MTOR: variants seen among roughly 807,000 people sequenced by gnomAD.
MTOR encodes the protein serine/threonine-protein kinase mTOR.
Under a neutral mutation model 319.8 loss-of-function variants are expected in MTOR, and 70 were observed. The ratio of observed to expected loss-of-function variants is 0.22; its 90% confidence interval spans 0.18 to 0.27. The LOEUF (loss-of-function observed/expected upper bound fraction) is 0.27, where lower values mean the gene tolerates loss of function less well. Ranked by LOEUF, MTOR falls within the 10% of genes least tolerant of loss-of-function variation. The pLI is 1.00. For missense variants in MTOR, 1,890 were observed against 3,274.4 expected, an observed-to-expected ratio of 0.58 and a Z score of 10.32; for synonymous variants, 1,183 against 1,211.4, an observed-to-expected ratio of 0.98 and a Z score of 0.49.
Position 11,258,610 on chromosome 1 carries a change from A to T in MTOR, c.163-17T>A. On this transcript the variant is annotated splice_polypyrimidine_tract_variant and intron_variant, in intron 2 of 57. Transcript: ENST00000361445. ...TTGACTCATCTGCAAAAGAAGATAT[A>T]ATCAGAACAATTTCTAATAATTCTC... is the stretch of plus-strand genomic sequence containing the variant. 6.4e-7 allele frequency: 1 copy of T among 1,572,492 alleles called. No homozygotes were observed. The highest frequency in any genetic ancestry group is 8.7e-7 in the Non-Finnish European group (1 of 1,144,446).
At chr1:11,222,053 C>T (rs538817228) in intron 19 of MTOR, among the ~76,000 whole-genome samples, 3 of 151,538 alleles carry the variant, frequency 2.0e-5, no homozygotes, top group East Asian at 3.9e-4. Context: ...CTGTTAGAGG[C>T]TTGACTCATT....
In MTOR at chr1:11,231,340, T is replaced by C. The variant is rs1647008835; in HGVS notation, c.2609A>G (p.Asn870Ser). ...CTGGTTCTGCTCAGTCTTCAGAAAA[T>C]TCAGTAGCACCTCAAGCAAAGTAGG... ...KYPTLLEVLL[N>S]FLKTEQNQGT... The change falls in exon 17 of 58, where the codon AAT (asparagine) becomes AGT (serine). Residue 870 changes from asparagine (N) to serine (S), a missense_variant. Coordinates refer to ENST00000361445, the MANE Select transcript of MTOR (RefSeq NM_004958.4). 4 of 1,614,122 alleles carry C rather than the reference T, an allele frequency of 2.5e-6. No homozygotes were observed. Among genetic ancestry groups the C allele is most frequent in the Non-Finnish European group, 3.4e-6 (4 of 1,180,016 alleles).
At position 11,128,164 on chromosome 1, in the gene MTOR, G is replaced by A. The variant is rs1363850948; in HGVS notation, c.5911-38C>T. The A allele has an allele frequency of 1.2e-6, 2 of 1,611,322 alleles. No homozygotes were observed. The highest frequency in any genetic ancestry group is 1.7e-5 in the Admixed American group (1 of 59,540). ...CAGAAGAAACATCTATAAAGGAAAT[G>A]TGGGTTGGGGAAGAGCTGGTATGAA... On this transcript the variant is annotated intron_variant, in intron 42 of 57. Transcript: ENST00000361445. The surrounding 1 kb of genome is among the most constrained non-coding windows in gnomAD (Gnocchi z 5.3).
In MTOR at chr1:11,139,880, C is replaced by T. The variant is rs111579928; in HGVS notation, c.4873-222G>A. The stretch of plus-strand genomic sequence containing the variant: ...CTAAGTTTTGTATTTTTAGTAGAGA[C>T]GGGGTTTCAGCATCTTGGCCAGGCT... On this transcript the variant is annotated intron_variant, in intron 34 of 57. Transcript: ENST00000361445. Among the ~76,000 whole-genome samples, 6,754 of 152,124 alleles carry T rather than the reference C, an allele frequency of 0.044. 182 individuals carry two copies. The highest frequency in any genetic ancestry group is 0.056 in the Non-Finnish European group (3,787 of 67,970).
At position 11,111,257 on chromosome 1, in the gene MTOR, T is replaced by A. The variant is rs555459579; in HGVS notation, c.7367-1528A>T. 7.0e-4 allele frequency: 294 copies of A among 421,838 alleles called. 2 individuals are homozygous for A. Among genetic ancestry groups the A allele is most frequent in the African/African-American group, 5.4e-3 (263 of 48,452 alleles). 26.1% of individuals were successfully genotyped at this position (421,838 alleles called of 1,614,324 possible). A position where few individuals can be genotyped will look rare whatever the true frequency, so the allele number is the denominator to read the frequency against. ...ACTTTGGGAGGCCGAGGCGGGCAGATCACTTGAGGTCAGGAGTTCGAAACC... is the reference window on the plus strand; with the variant it reads ...ACTTTGGGAGGCCGAGGCGGGCAGAACACTTGAGGTCAGGAGTTCGAAACC... On this transcript the variant is annotated intron_variant, in intron 54 of 57. Coordinates refer to ENST00000361445, the MANE Select transcript of MTOR (RefSeq NM_004958.4).
At chr1:11,193,593 T>C (rs781130665) in intron 28 of MTOR, 8 of 1,596,370 alleles carry the variant, frequency 5.0e-6, no homozygotes, top group Non-Finnish European at 4.3e-6. Flanking sequence ...TTCTGTGACA[T>C]GGAGACTTCA....
At chr1:11,175,934 G>T (rs1033104916) in intron 28 of MTOR, among the ~76,000 whole-genome samples, 1 of 152,148 alleles carries the variant, frequency 6.6e-6, no homozygotes, top group Non-Finnish European at 1.5e-5. Flanking sequence ...TAGTAGTAGA[G>T]ATGTGTTTTC....
chr1:11,187,124 G>C (rs972087594), intron 28 of MTOR, among the ~76,000 whole-genome samples: 3 of 152,024 alleles, frequency 2.0e-5, no homozygotes, highest in Non-Finnish European at 2.9e-5. Flanking sequence ...TTCCTGTTTG[G>C]GTGAGCTACT....
intron 11 of MTOR, 149 bp from the exon 12 acceptor site, chr1:11,238,766 CTTT>C (rs35144517): frequency 5.4e-4 from 255 of 476,450 alleles, no homozygotes; most frequent in South Asian, 6.6e-4. Context: ...CGGAACTCTT[CTTT>C]TTTTTTTTTT....
At chr1:11,117,122 G>A in intron 49 of MTOR, 36 bp from the exon 50 acceptor site, 1 of 1,517,560 alleles carries the variant, frequency 6.6e-7, no homozygotes, top group South Asian at 1.2e-5. Flanking sequence ...TACGGTTCTG[G>A]AAACTTTAAT....
intron 47 of MTOR, among the ~76,000 whole-genome samples, chr1:11,123,599 G>T (rs1201222161): frequency 1.3e-5 from 2 of 152,014 alleles, no homozygotes. Context: ...CTCCCAAGGA[G>T]CTGGGACAAC....
intron 39 of MTOR, 137 bp downstream of exon 39, chr1:11,130,392 G>A: frequency 2.2e-6 from 3 of 1,350,062 alleles, no homozygotes; most frequent in East Asian, 4.7e-5. Context: ...GTGCTGGATG[G>A]TAGATAGGCA....
intron 28 of MTOR, among the ~76,000 whole-genome samples, chr1:11,188,048 C>T (rs1339189243): frequency 6.6e-6 from 1 of 152,158 alleles, no homozygotes; most frequent in Non-Finnish European, 1.5e-5. Flanking sequence ...GAGCTAGAAG[C>T]CCTGACTGGA....
intron 6 of MTOR, among the ~76,000 whole-genome samples, chr1:11,251,718 CT>C (rs1265268674): frequency 6.8e-6 from 1 of 146,592 alleles, no homozygotes; most frequent in Non-Finnish European, 1.5e-5. Context: ...TCTCAAACTC[CT>C]GAGCTCAAAC....
At chr1:11,143,793 C>A (rs753894952) in intron 34 of MTOR, 2 of 151,988 alleles carry the variant, frequency 1.3e-5, no homozygotes, top group Non-Finnish European at 2.9e-5. Flanking sequence ...TTTATAATTG[C>A]GGGGATGGAT....
intron 34 of MTOR, among the ~76,000 whole-genome samples, chr1:11,141,287 A>AT (rs1169039183): frequency 6.6e-6 from 1 of 151,452 alleles, no homozygotes; most frequent in East Asian, 1.9e-4. Context: ...TAATTTTTGT[A>AT]TTTTTTGAAG....
At chr1:11,148,607 A>G (rs1644023083) in intron 31 of MTOR, among the ~76,000 whole-genome samples, 1 of 152,154 alleles carries the variant, frequency 6.6e-6, no homozygotes, top group African/African-American at 2.4e-5. Context: ...TCTCTTTAAA[A>G]CAAAAAAATT....
intron 1 of MTOR, among the ~76,000 whole-genome samples, chr1:11,261,343 G>C (rs1351797949): frequency 6.6e-6 from 1 of 151,672 alleles, no homozygotes; most frequent in Non-Finnish European, 1.5e-5. Flanking sequence ...ATGGTGGCGG[G>C]CGCCTGTAGT....
chr1:11,128,182 G>T lies in MTOR; in HGVS notation c.5911-56C>A, dbSNP rs1642941584. 2 of 1,602,434 alleles carry T rather than the reference G, an allele frequency of 1.2e-6. No homozygotes were observed. Among genetic ancestry groups the T allele is most frequent in the Middle Eastern group, 1.7e-4 (1 of 5,872 alleles). ...AGGAAATGTGGGTTGGGGAAGAGCT[G>T]GTATGAATTTTAAGGAGAATAACAA... is the stretch of plus-strand genomic sequence containing the variant. On this transcript the variant is annotated intron_variant, in intron 42 of 57. Transcript: ENST00000361445. The surrounding 1 kb of genome is among the most constrained non-coding windows in gnomAD (Gnocchi z 5.3).
Sources: gnomAD v4.1 joint callset for allele counts (sites outside exome capture counted in the v4.1 genomes callset) on GRCh38, gnomAD v4.1.1 for gene constraint, Gnocchi (gnomAD v3.1) non-coding constraint, MANE v1.5 for transcripts, NCBI Gene and HGNC (gene_info 2026-07-23, HGNC 2026-07-21) for gene names.